Variants in PATJ observed in about 807,000 individuals in gnomAD.
PATJ encodes inaD-like protein.
PATJ carries 190 observed loss-of-function variants against 224.9 expected under a neutral mutation model. That is an observed-to-expected ratio of 0.84 (90% CI 0.75 to 0.95). The LOEUF (loss-of-function observed/expected upper bound fraction) is 0.95, where lower values mean the gene tolerates loss of function less well. Ranked by LOEUF, PATJ falls within the 40% of genes least tolerant of loss-of-function variation. The pLI, the probability that PATJ is intolerant of heterozygous loss-of-function variation, is 0.00. For synonymous variants in PATJ, 769 were observed against 820.3 expected (o/e 0.94, Z 1.07); for missense variants, 2,121 against 2,270.3 (o/e 0.93, Z 1.34).
At chr1:61,770,358 T>A (rs749045254) in intron 5 of PATJ, among the ~76,000 whole-genome samples, 47 of 152,308 alleles carry the variant, frequency 3.1e-4, no homozygotes, top group Non-Finnish European at 6.0e-4. Context: ...ATCTTTAGGA[T>A]GCACTTTAAC....
intron 42 of PATJ, among the ~76,000 whole-genome samples, chr1:62,151,913 C>T (rs1213035005): frequency 6.6e-6 from 1 of 152,148 alleles, no homozygotes; most frequent in Non-Finnish European, 1.5e-5. Flanking sequence ...TTACTGGGAG[C>T]CCACATAGGT....
intron 41 of PATJ, among the ~76,000 whole-genome samples, 165 bp from the exon 42 acceptor site, chr1:62,148,118 CT>C (rs369395805): frequency 0.15 from 3,177 of 21,252 alleles, 161 homozygotes; most frequent in South Asian, 0.36. Context: ...GAGACACTGT[CT>C]TTAAAAAAAA....
chr1:61,794,246 G>C (rs1457523586), intron 9 of PATJ, among the ~76,000 whole-genome samples: 1 of 151,646 alleles, frequency 6.6e-6, no homozygotes, highest in Non-Finnish European at 1.5e-5. Context: ...CCTGGGCTCA[G>C]GTGATTCTCA....
chr1:62,146,091 A>G (rs1239373455), intron 41 of PATJ, among the ~76,000 whole-genome samples: 3 of 152,198 alleles, frequency 2.0e-5, no homozygotes, highest in African/African-American at 4.8e-5. Context: ...AAGGTGGCTC[A>G]AAGGCCTCAG....
intron 24 of PATJ, among the ~76,000 whole-genome samples, chr1:61,902,980 C>T (rs779653769): frequency 6.6e-6 from 1 of 152,044 alleles, no homozygotes; most frequent in Non-Finnish European, 1.5e-5. Context: ...GTTCAAGGAG[C>T]AGCAGTGAGT....
chr1:62,075,734 C>T (rs549208074), intron 31 of PATJ, among the ~76,000 whole-genome samples: 26 of 152,038 alleles, frequency 1.7e-4, no homozygotes, highest in Admixed American at 8.5e-4. Context: ...CTCACTAACA[C>T]GGTGAAACCC....
intron 8 of PATJ, among the ~76,000 whole-genome samples, chr1:61,790,380 A>G (rs917838044): frequency 3.9e-5 from 6 of 152,084 alleles, no homozygotes; most frequent in Non-Finnish European, 8.8e-5. Context: ...CTATTGTTGT[A>G]TAACAAATTT....
At chr1:61,808,408 C>A in intron 13 of PATJ, 66 bp from the exon 14 acceptor site, 1 of 933,192 alleles carries the variant, frequency 1.1e-6, no homozygotes, top group Non-Finnish European at 1.7e-6. Flanking sequence ...CAGATATTTT[C>A]AGAAAATGTA....
At chr1:62,135,331 A>G (rs1666715431) in intron 41 of PATJ, among the ~76,000 whole-genome samples, 1 of 151,714 alleles carries the variant, frequency 6.6e-6, no homozygotes, top group Non-Finnish European at 1.5e-5. Flanking sequence ...CAGCCTGGCC[A>G]ACGTGGTGAA....
intron 34 of PATJ, 150 bp from the exon 35 acceptor site, chr1:62,113,903 T>C: frequency 1.4e-6 from 1 of 691,840 alleles, no homozygotes; most frequent in East Asian, 2.7e-5. Context: ...TCAAAGCAGC[T>C]CATACTGCTT....
At chr1:61,992,117 CTTTT>C (rs138874624) in intron 28 of PATJ, among the ~76,000 whole-genome samples, 3 of 136,294 alleles carry the variant, frequency 2.2e-5, no homozygotes, top group Admixed American at 7.5e-5. Context: ...CTGTGGGATT[CTTTT>C]TTTTTTTTTT....
intron 1 of PATJ, among the ~76,000 whole-genome samples, chr1:61,748,575 C>G (rs1328512266): frequency 6.6e-6 from 1 of 152,060 alleles, no homozygotes; most frequent in East Asian, 1.9e-4. Context: ...GATTAATACT[C>G]CAAATTATAG....
chr1:61,747,402 A>G (rs565372151), intron 1 of PATJ, among the ~76,000 whole-genome samples: 5 of 152,274 alleles, frequency 3.3e-5, no homozygotes, highest in Admixed American at 6.5e-5. Context: ...AATTGGGTCC[A>G]CCTACCATAT....
rs1557937331 is a variant in PATJ at position 61,954,752 on chromosome 1, ATTG to A, written c.3670+26926_3670+26928del. ...TTACATTTATGATATGCCAAACTCT[ATTG>A]TTTTTTTTTTTTTTTTGAGACAGAG... On this transcript the variant is annotated intron_variant, in intron 27 of 43. Transcript: ENST00000642238. 1.2e-4 allele frequency among the ~76,000 whole-genome samples: 13 copies of A among 112,332 alleles called. 1 individual carries two copies. Among genetic ancestry groups the A allele is most frequent in the Admixed American group, 1.2e-4 (1 of 8,324 alleles). The allele number at this position is 112,332 out of a possible 152,430, so 73.7% of individuals were successfully genotyped here.
intron 27 of PATJ, among the ~76,000 whole-genome samples, chr1:61,941,660 A>G (rs1435289769): frequency 6.6e-6 from 1 of 152,156 alleles, no homozygotes; most frequent in African/African-American, 2.4e-5. Flanking sequence ...CAATAAATAA[A>G]TAAATAAATA....
At chr1:62,098,690 T>A (rs902132370) in intron 33 of PATJ, among the ~76,000 whole-genome samples, 1 of 152,188 alleles carries the variant, frequency 6.6e-6, no homozygotes, top group Non-Finnish European at 1.5e-5. Flanking sequence ...CCTGCAGAGC[T>A]GTCAGAAAAT....
intron 37 of PATJ, among the ~76,000 whole-genome samples, chr1:62,119,585 A>T (rs574891095): frequency 2.6e-5 from 4 of 152,098 alleles, no homozygotes; most frequent in Non-Finnish European, 5.9e-5. Flanking sequence ...CAGAGGAAAA[A>T]ATACTTGCGA....
chr1:62,138,543 G>A lies in PATJ; in HGVS notation c.5271+9598G>A, dbSNP rs1667180459. On this transcript the variant is annotated intron_variant, in intron 41 of 43. Coordinates refer to ENST00000642238, the MANE Select transcript of PATJ (RefSeq NM_001350145.3). ...GCTCGTCACAAACTCCTGACCTCAG[G>A]TGATCCACCCGCCTCAGCCTCCCAA... Among the ~76,000 whole-genome samples the A allele has an allele frequency of 2.0e-5, 3 of 152,100 alleles. No homozygotes were observed. The South Asian group carries it at 6.2e-4, about 32-fold the overall frequency.
intron 1 of PATJ, among the ~76,000 whole-genome samples, chr1:61,747,996 T>A (rs1432844898): frequency 6.6e-6 from 1 of 152,206 alleles, no homozygotes; most frequent in Admixed American, 6.5e-5. Context: ...TTCTCGTGCC[T>A]CAGTCTCCCA....
Sources: gnomAD v4.1 joint callset for allele counts (sites outside exome capture counted in the v4.1 genomes callset) on GRCh38, gnomAD v4.1.1 for gene constraint, MANE v1.5 for transcripts, NCBI Gene and HGNC (gene_info 2026-07-23, HGNC 2026-07-21) for gene names.